Variants in SPMAP2L observed in about 807,000 individuals in gnomAD.
The protein encoded by SPMAP2L is sperm microtubule associated protein 2-like.
the SPMAP2L span, among the ~76,000 whole-genome samples, chr4:56,609,105 A>G: frequency 7.2e-6 from 1 of 139,278 alleles, no homozygotes; most frequent in African/African-American, 2.7e-5. Flanking sequence ...ACTGGAGTGC[A>G]GTGGCGTGAT....
chr4:56,530,928 G>A, the SPMAP2L span: 1 of 1,535,104 alleles, frequency 6.5e-7, no homozygotes, highest in Non-Finnish European at 8.7e-7. Flanking sequence ...AGTCCTATGA[G>A]CCCCACGCTC....
the SPMAP2L span, among the ~76,000 whole-genome samples, chr4:56,605,795 GA>G: frequency 6.6e-6 from 1 of 152,138 alleles, no homozygotes; most frequent in Non-Finnish European, 1.5e-5. Context: ...AAGTTCCCAG[GA>G]ATTTTCTCCA....
At chr4:56,589,208 C>T in the SPMAP2L span, among the ~76,000 whole-genome samples, 3 of 151,826 alleles carry the variant, frequency 2.0e-5, no homozygotes, top group African/African-American at 4.8e-5. Flanking sequence ...AGGCTGGTCT[C>T]GAACTCCTGA....
At chr4:56,548,777 TG>T in the SPMAP2L span, 1 of 1,491,002 alleles carries the variant, frequency 6.7e-7, no homozygotes, top group Non-Finnish European at 8.9e-7. Context: ...CTTTTACTTT[TG>T]TTTTCTTTTA....
chr4:56,593,443 T>C, the SPMAP2L span: 5 of 1,557,242 alleles, frequency 3.2e-6, no homozygotes, highest in South Asian at 3.3e-5. Flanking sequence ...CGGAGTGTTG[T>C]TCCAGTACCC....
At chr4:56,564,286 G>A in the SPMAP2L span, among the ~76,000 whole-genome samples, 57 of 151,742 alleles carry the variant, frequency 3.8e-4, no homozygotes, top group Non-Finnish European at 5.2e-4. Context: ...GGCACGGCAC[G>A]CACCACCATG....
At chr4:56,544,418 A>T in the SPMAP2L span, among the ~76,000 whole-genome samples, 1 of 152,158 alleles carries the variant, frequency 6.6e-6, no homozygotes, top group Non-Finnish European at 1.5e-5. Context: ...TTTGGGGAAA[A>T]TCATGCCTCA....
the SPMAP2L span, chr4:56,530,634 T>C: frequency 5.3e-6 from 8 of 1,514,638 alleles, no homozygotes; most frequent in Non-Finnish European, 6.2e-6. Context: ...GGGCAACCAG[T>C]CGGGAGGGTG....
chr4:56,623,062 T>C, the SPMAP2L span, among the ~76,000 whole-genome samples: 1 of 152,134 alleles, frequency 6.6e-6, no homozygotes, highest in Non-Finnish European at 1.5e-5. Context: ...ATATGTTCCC[T>C]TTGGGTCCTC....
the SPMAP2L span, among the ~76,000 whole-genome samples, chr4:56,606,966 A>T: frequency 6.6e-6 from 1 of 152,156 alleles, no homozygotes; most frequent in East Asian, 1.9e-4. Flanking sequence ...AAGAAGTGAC[A>T]GGCTCAAGAG....
chr4:56,559,509 T>G, the SPMAP2L span: 42 of 1,519,248 alleles, frequency 2.8e-5, no homozygotes, highest in African/African-American at 5.1e-4. Flanking sequence ...CCTGCCACTA[T>G]GTACCTAACA....
the SPMAP2L span, among the ~76,000 whole-genome samples, chr4:56,624,039 A>G: frequency 4.3e-4 from 66 of 152,304 alleles, no homozygotes; most frequent in African/African-American, 1.5e-3. Flanking sequence ...GACTTGTTGA[A>G]TGGCTTTGAC....
the SPMAP2L span, chr4:56,559,362 T>TC: frequency 1.4e-5 from 20 of 1,435,886 alleles, no homozygotes; most frequent in Non-Finnish European, 1.7e-5. Flanking sequence ...CAATTTTTTT[T>TC]TACCATTTTA....
At chr4:56,611,297 T>G in the SPMAP2L span, among the ~76,000 whole-genome samples, 2 of 152,202 alleles carry the variant, frequency 1.3e-5, no homozygotes, top group African/African-American at 4.8e-5. Flanking sequence ...TGCAGCAACC[T>G]GAATGAGACT....
chr4:56,591,624 C>T, the SPMAP2L span, among the ~76,000 whole-genome samples: 5 of 152,182 alleles, frequency 3.3e-5, no homozygotes, highest in African/African-American at 1.2e-4. Flanking sequence ...TTAAACAGCA[C>T]AGGAAGGAAT....
chr4:56,575,549 A>C, the SPMAP2L span: 2 of 1,535,318 alleles, frequency 1.3e-6, no homozygotes, highest in South Asian at 1.2e-5. Flanking sequence ...GTAATTTGGG[A>C]GATCACTCCT....
chr4:56,624,608 G>A, the SPMAP2L span, among the ~76,000 whole-genome samples: 1 of 152,198 alleles, frequency 6.6e-6, no homozygotes. Context: ...TGTCCCATCT[G>A]CTCCAGCCTT....
At chr4:56,575,498 C>T in the SPMAP2L span, 1 of 1,533,584 alleles carries the variant, frequency 6.5e-7, no homozygotes, top group Non-Finnish European at 8.7e-7. Flanking sequence ...TCTTCTACAA[C>T]TTGCAGGGCT....
the SPMAP2L span, among the ~76,000 whole-genome samples, chr4:56,611,790 G>T: frequency 6.6e-6 from 1 of 151,974 alleles, no homozygotes; most frequent in South Asian, 2.1e-4. Context: ...TCTAACTCAG[G>T]ACCAACCAGA....
Sources: gnomAD v4.1 joint callset for allele counts (sites outside exome capture counted in the v4.1 genomes callset) on GRCh38, gnomAD v4.1.1 for gene constraint, MANE v1.5 for transcripts, NCBI Gene and HGNC (gene_info 2026-07-23, HGNC 2026-07-21) for gene names.